The following ZMYM2 variants were observed in gnomAD, a reference collection of about 807,000 sequenced individuals.
ZMYM2 encodes zinc finger MYM-type protein 2.
ZMYM2 carries 56 observed loss-of-function variants against 162.8 expected under a neutral mutation model. That is an observed-to-expected ratio of 0.34 (90% confidence interval 0.28 to 0.43). ZMYM2 has a LOEUF of 0.43. Ranked by LOEUF, ZMYM2 falls within the 20% of genes least tolerant of loss-of-function variation. The probability of loss-of-function intolerance (pLI) is 1.00; values close to 1 mark genes in which losing one functional copy is unlikely to be tolerated. For synonymous variants in ZMYM2, 510 were observed against 541.6 expected, an observed-to-expected ratio of 0.94 and a Z score of 0.81; for missense variants, 1,275 against 1,621.8, an observed-to-expected ratio of 0.79 and a Z score of 3.67.
At chr13:19,937,986 G>T in the ZMYM2 span, among the ~76,000 whole-genome samples, 4 of 151,862 alleles carry the variant, frequency 2.6e-5, no homozygotes, top group Non-Finnish European at 5.9e-5. Flanking sequence ...TTATTCCATG[G>T]TGTATATGTG....
At chr13:20,072,323 C>A (rs1162999596) in intron 21 of ZMYM2, among the ~76,000 whole-genome samples, 15 of 152,142 alleles carry the variant, frequency 9.9e-5, no homozygotes, top group Admixed American at 9.8e-4. Context: ...GAGTTCTAGA[C>A]CAGCCTGGCC....
the ZMYM2 span, among the ~76,000 whole-genome samples, chr13:19,947,516 A>G: frequency 6.8e-6 from 1 of 146,898 alleles, no homozygotes; most frequent in Non-Finnish European, 1.5e-5. Context: ...GCTGGAGTGC[A>G]ATGCATGATC....
chr13:19,883,018 C>T, the ZMYM2 span, among the ~76,000 whole-genome samples: 1 of 151,910 alleles, frequency 6.6e-6, no homozygotes, highest in Non-Finnish European at 1.5e-5. Flanking sequence ...CATTAATGGA[C>T]GAAAGGATAA....
intron 2 of ZMYM2, among the ~76,000 whole-genome samples, chr13:19,978,782 A>G (rs1355634833): frequency 6.6e-6 from 1 of 152,118 alleles, no homozygotes; most frequent in East Asian, 1.9e-4. Context: ...CCTAAAGTAC[A>G]TTACCGCTGA....
Position 20,036,757 on chromosome 13 carries a change from C to A in ZMYM2, c.2140C>A (p.Gln714Lys). The A allele has an allele frequency of 1.3e-6, 2 of 1,560,340 alleles. No homozygotes were observed. Among genetic ancestry groups the A allele is most frequent in the Non-Finnish European group, 8.7e-7 (1 of 1,155,482 alleles). Residue 714 changes from glutamine to lysine, a missense_variant, in exon 12 of 25, where the codon CAG becomes AAG. This residue lies in a region of ZMYM2 where 177 missense variants were observed against 228.0 expected (regional missense o/e 0.78). Coordinates refer to ENST00000610343, the MANE Select transcript of ZMYM2 (RefSeq NM_197968.4). ...TTCAGGCTGCAAATTATTATACAAA[C>A]AGGATTTTGCCAGACGTTTAGGATT... The part of the protein sequence containing the change: ...CSEGCKLLYK[Q>K]DFARRLGLRC...
chr13:19,891,426 A>G, the ZMYM2 span, among the ~76,000 whole-genome samples: 1 of 150,896 alleles, frequency 6.6e-6, no homozygotes, highest in Non-Finnish European at 1.5e-5. Flanking sequence ...GTATTCTAAT[A>G]TGGCACCCAG....
intron 9 of ZMYM2, chr13:20,028,207 T>C (rs796778778): frequency 1.9e-5 from 3 of 159,486 alleles, no homozygotes; most frequent in East Asian, 3.0e-4. Flanking sequence ...ATATTCTCAC[T>C]GAGCTTAGGT....
chr13:19,962,824 ATTT>A (rs34502556), intron 2 of ZMYM2, among the ~76,000 whole-genome samples: 1 of 113,558 alleles, frequency 8.8e-6, no homozygotes, highest in African/African-American at 3.6e-5. Flanking sequence ...TTGCCCAGCC[ATTT>A]TTTTTTTTTT....
the ZMYM2 span, among the ~76,000 whole-genome samples, chr13:19,888,882 G>A: frequency 1.3e-5 from 2 of 152,112 alleles, no homozygotes; most frequent in Admixed American, 1.3e-4. Flanking sequence ...ACAGGCGTGA[G>A]CCACTGTGCC....
At chr13:19,969,362 T>A (rs542850680) in intron 2 of ZMYM2, among the ~76,000 whole-genome samples, 1 of 152,332 alleles carries the variant, frequency 6.6e-6, no homozygotes, top group East Asian at 1.9e-4. Context: ...TGTGGACTTT[T>A]TAGGTACAAA....
At chr13:19,958,538 G>C (rs1954727945), upstream of ZMYM2, 1 of 152,444 alleles carries the variant, frequency 6.6e-6, no homozygotes, top group South Asian at 2.1e-4. Flanking sequence ...GGAACGGCAG[G>C]GCCGGGGGAG....
intron 6 of ZMYM2, among the ~76,000 whole-genome samples, chr13:20,008,883 A>G (rs1471024148): frequency 1.3e-5 from 2 of 152,228 alleles, no homozygotes; most frequent in Non-Finnish European, 2.9e-5. Context: ...GGAAAAAGAA[A>G]AATAAACTGA....
chr13:20,086,137 C>A lies in ZMYM2; in HGVS notation c.*123C>A. The A allele has an allele frequency of 1.1e-6, 1 of 903,386 alleles. No homozygotes were observed. The highest frequency in any genetic ancestry group is 1.6e-6 in the Non-Finnish European group (1 of 616,632). The allele number at this position is 903,386 out of a possible 1,614,324, so 56.0% of individuals were successfully genotyped here. On this transcript the variant is annotated 3_prime_UTR_variant, in exon 25 of 25. Transcript: ENST00000610343. The stretch of plus-strand genomic sequence containing the variant: ...TTTGAGTTTTGTAGCAGTGTACCCA[C>A]GCTGGGTATTACCATGTAAATAATC...
intron 2 of ZMYM2, among the ~76,000 whole-genome samples, chr13:19,961,320 C>T (rs1386943467): frequency 3.3e-5 from 5 of 152,052 alleles, no homozygotes; most frequent in African/African-American, 2.4e-5. Flanking sequence ...TTTTATACTG[C>T]CTTGTTTCAA....
chr13:19,916,925 A>C, the ZMYM2 span, among the ~76,000 whole-genome samples: 2 of 152,204 alleles, frequency 1.3e-5, no homozygotes, highest in African/African-American at 4.8e-5. Flanking sequence ...AATGCTTTAC[A>C]AACATGCATT....
chr13:19,890,825 T>C, the ZMYM2 span, among the ~76,000 whole-genome samples: 3 of 151,704 alleles, frequency 2.0e-5, no homozygotes, highest in Middle Eastern at 0.01. Flanking sequence ...TGAGCCGAGA[T>C]TGTGCCATTG....
intron 10 of ZMYM2, among the ~76,000 whole-genome samples, chr13:20,032,889 G>A (rs1177839897): frequency 1.3e-5 from 2 of 152,178 alleles, no homozygotes; most frequent in Admixed American, 6.5e-5. Context: ...GATCACAGGC[G>A]TGAGCCACCG....
chr13:19,981,454 C>A (rs992895701), intron 2 of ZMYM2, among the ~76,000 whole-genome samples: 1 of 152,192 alleles, frequency 6.6e-6, no homozygotes, highest in Non-Finnish European at 1.5e-5. Flanking sequence ...CATTAGTCTT[C>A]AGTAGCTTTC....
At chr13:20,001,516 T>G (rs1950389891) in intron 3 of ZMYM2, among the ~76,000 whole-genome samples, 2 of 152,120 alleles carry the variant, frequency 1.3e-5, no homozygotes, top group Non-Finnish European at 2.9e-5. Context: ...TTTCTTGAGA[T>G]GAATCTATTC....
Sources: allele counts gnomAD v4.1 joint callset (sites outside exome capture counted in the v4.1 genomes callset), GRCh38; gene constraint gnomAD v4.1.1; regional missense constraint gnomAD v4.1.1; transcripts MANE v1.5; gene names NCBI Gene and HGNC (gene_info 2026-07-23, HGNC 2026-07-21).